STAB1: variants seen among roughly 807,000 people sequenced by gnomAD.
STAB1 encodes stabilin-1.
In STAB1, 250 loss-of-function variants were observed where a neutral mutation model predicts 332.4. The ratio of observed to expected loss-of-function variants is 0.75; its 90% CI spans 0.68 to 0.84. STAB1 has a LOEUF of 0.84. Among genes scored for constraint, STAB1 ranks in the 40% least tolerant of loss-of-function variants. The pLI, the probability that STAB1 is intolerant of heterozygous loss-of-function variation, is 0.00. For synonymous variants in STAB1, 1,475 were observed against 1,390.4 expected, an observed-to-expected ratio of 1.06 and a Z score of -1.35; for missense variants, 3,249 against 3,489.7, an observed-to-expected ratio of 0.93 and a Z score of 1.74.
At chr3:52,508,146 G>T in intron 20 of STAB1, 120 bp downstream of exon 20, 1 of 1,361,848 alleles carries the variant, frequency 7.3e-7, no homozygotes, top group Non-Finnish European at 1.0e-6. Context: ...GCCTGACGGT[G>T]GAAAAGGGGT....
chr3:52,523,838 C>A, intron 66 of STAB1, 33 bp from the exon 67 acceptor site: 1 of 1,585,372 alleles, frequency 6.3e-7, no homozygotes. Flanking sequence ...GGACAGCTCC[C>A]GCCAGGTCAA....
rs771479095 is a variant in STAB1 at position 52,524,068 on chromosome 3, C to T, written c.7543-32C>T. 2.8e-5 allele frequency: 45 copies of T among 1,612,692 alleles called. No homozygotes were observed. The East Asian group carries it at 7.1e-4, about 26-fold the overall frequency. ...GCGGGTCCTTGGATCTCGCTTGAGG[C>T]GCCTCGCCACTCACCCCTCTGCTGC... On this transcript the variant is annotated intron_variant, in intron 67 of 68. Coordinates refer to ENST00000321725, the MANE Select transcript of STAB1 (RefSeq NM_015136.3).
At position 52,505,059 on chromosome 3, in the gene STAB1, C is replaced by T. The variant is rs751959695; in HGVS notation, c.1434C>T (p.Ala478=). Reference sequence around the variant, plus strand: ...AGCAGACGTTCAACATCTACAAGGCCAACAACATAGCAGCTAATGGCGTCT... The same window carrying T: ...AGCAGACGTTCAACATCTACAAGGCTAACAACATAGCAGCTAATGGCGTCT... ...QPQQTFNIYK[A]NNIAANGVFH... The change falls in exon 13 of 69, where the codon GCC becomes GCT. Residue 478 remains alanine (A), a synonymous_variant. Coordinates refer to ENST00000321725, the MANE Select transcript of STAB1 (RefSeq NM_015136.3). 1.2e-6 allele frequency: 2 copies of T among 1,613,802 alleles called. No individual in the cohort carries two copies. The highest frequency in any genetic ancestry group is 3.3e-5 in the Admixed American group (2 of 60,018).
At chr3:52,520,587 C>G in intron 53 of STAB1, 38 bp downstream of exon 53, 1 of 1,612,190 alleles carries the variant, frequency 6.2e-7, no homozygotes, top group Non-Finnish European at 8.5e-7. Flanking sequence ...GAAGCCCACC[C>G]CGCCTGTGGT....
At chr3:52,510,555 T>C (rs367576024) in intron 25 of STAB1, 48 bp downstream of exon 25, 189 of 1,580,724 alleles carry the variant, frequency 1.2e-4, no homozygotes, top group Non-Finnish European at 1.5e-4. Context: ...TGGGGGACTC[T>C]CTCCCTGCCC....
chr3:52,517,502 G>A (rs1290364245), intron 43 of STAB1, 48 bp from the exon 44 acceptor site: 1 of 1,606,048 alleles, frequency 6.2e-7, no homozygotes, highest in South Asian at 1.1e-5. Context: ...CCAGGGTGCT[G>A]GCCAGCTGTT....
intron 3 of STAB1, 57 bp from the exon 4 acceptor site, chr3:52,501,949 G>A (rs1007204707): frequency 4.4e-6 from 7 of 1,598,896 alleles, no homozygotes; most frequent in East Asian, 2.2e-5. Flanking sequence ...AGAGCTGCTG[G>A]GGTCAGGGTA....
intron 25 of STAB1, among the ~76,000 whole-genome samples, chr3:52,510,781 G>T (rs1056167214): frequency 1.3e-5 from 2 of 152,216 alleles, no homozygotes; most frequent in South Asian, 2.1e-4. Context: ...AAAAGCCCCT[G>T]CCCGTGGGAG....
In STAB1 at chr3:52,514,902, G is replaced by C. The variant is rs1006795593; in HGVS notation, c.3807+73G>C. On this transcript the variant is annotated intron_variant, in intron 35 of 68. Coordinates refer to ENST00000321725, the MANE Select transcript of STAB1 (RefSeq NM_015136.3). ...GGAGGGCCTAGCTGACCTGACTAGT[G>C]GGGAGGGGCGCATGGTCAGTCTGTC... 7 of 1,612,530 alleles carry C rather than the reference G, an allele frequency of 4.3e-6. No individual in the cohort carries two copies. The Admixed American group carries it at 5.0e-5, about 12-fold the overall frequency.
chr3:52,496,400 C>T (rs1325896781), intron 1 of STAB1, among the ~76,000 whole-genome samples: 1 of 152,218 alleles, frequency 6.6e-6, no homozygotes, highest in African/African-American at 2.4e-5. Flanking sequence ...GATGGCCAGA[C>T]TAAAGTCCAG....
rs1306180314 is a variant in STAB1, at chr3:52,520,904, G to A, written c.5807G>A (p.Trp1936Ter). 3.7e-6 allele frequency: 6 copies of A among 1,608,562 alleles called. No individual in the cohort carries two copies. Among genetic ancestry groups the A allele is most frequent in the Non-Finnish European group, 5.1e-6 (6 of 1,177,720 alleles). Reference sequence around the variant, plus strand: ...AGCGTCTGGGTCCACCCCAGCCTTTGGGGTAGGCCCCAAGGCCTGGGCAGG... The same window carrying A: ...AGCGTCTGGGTCCACCCCAGCCTTTAGGGTAGGCCCCAAGGCCTGGGCAGG... The part of the protein sequence containing the change: ...LRSVWVHPSL[W>*]GRPQGLGRGC... The change falls in exon 55 of 69, where the codon TGG (tryptophan) becomes TAG (stop). Residue 1936 changes from tryptophan (W) to a stop codon, truncating the protein, a stop_gained. Transcript: ENST00000321725. LOFTEE classifies it high-confidence loss of function.
chr3:52,501,148 C>T lies in STAB1; in HGVS notation c.79-18C>T, dbSNP rs1351683821. ...CGTGGGGTCCAGGCCCCTGACCACA[C>T]CCTGCCTGTGGCCCCAGGTGCTGTT... On this transcript the variant is annotated intron_variant, in intron 1 of 68. Coordinates refer to ENST00000321725, the MANE Select transcript of STAB1 (RefSeq NM_015136.3). 3 of 1,609,630 alleles carry T rather than the reference C, an allele frequency of 1.9e-6. No homozygotes were observed. The highest frequency in any genetic ancestry group is 2.7e-5 in the African/African-American group (2 of 74,890).
In STAB1 at chr3:52,523,476, T is replaced by TAA; in HGVS notation, c.7191_7192dup (p.Ser2398LysfsTer203). ...CTGCATGCCTCCAACGCCACCCTCC[T>TAA]AAGTGCCAACGCCAGCCAGGGGAAG... On this transcript the variant is annotated frameshift_variant, in exon 65 of 69. Transcript: ENST00000321725. LOFTEE classifies it high-confidence loss of function. The TAA allele has an allele frequency of 6.2e-7, 1 of 1,611,914 alleles. No homozygotes were observed. Among genetic ancestry groups the TAA allele is most frequent in the Non-Finnish European group, 8.5e-7 (1 of 1,179,218 alleles).
Position 52,523,312 on chromosome 3 carries a change from C to A in STAB1, c.7111C>A (p.Pro2371Thr), listed in dbSNP as rs1402631610. 1.2e-5 allele frequency: 19 copies of A among 1,611,680 alleles called. No individual in the cohort carries two copies. Among genetic ancestry groups the A allele is most frequent in the Non-Finnish European group, 1.6e-5 (19 of 1,180,024 alleles). The change falls in exon 64 of 69, where the codon CCT becomes ACT. Residue 2371 changes from proline (P) to threonine (T), a missense_variant. By Grantham distance (38) the Pro-to-Thr change is conservative. Coordinates refer to ENST00000321725, the MANE Select transcript of STAB1 (RefSeq NM_015136.3). ...DELTYKTLFV[P>T]VNEGFVDNMT... ...GCTCACGTATAAGACACTCTTCGTC[C>A]CTGTCAATGAAGGCTTTGTGGACAA...
intron 45 of STAB1, 75 bp from the exon 46 acceptor site, chr3:52,518,237 G>T (rs1195434673): frequency 1.9e-6 from 3 of 1,598,102 alleles, no homozygotes; most frequent in Non-Finnish European, 2.6e-6. Flanking sequence ...TAGACCTTGG[G>T]CCGCAGGTGC....
intron 63 of STAB1, 29 bp from the exon 64 acceptor site, chr3:52,523,193 C>G: frequency 6.2e-7 from 1 of 1,612,682 alleles, no homozygotes. Flanking sequence ...AGGGAGCCTG[C>G]TCATAGTTCT....
Position 52,521,855 on chromosome 3 carries a change from G to C in STAB1, c.6175G>C (p.Val2059Leu). The change falls in exon 58 of 69, where the codon GTG (valine) becomes CTG (leucine). Residue 2059 changes from valine (V) to leucine (L), a missense_variant. By Grantham distance (32) the Val-to-Leu change is conservative. Coordinates refer to ENST00000321725, the MANE Select transcript of STAB1 (RefSeq NM_015136.3). ...GCCCTGGGGGACAGAGCTGCAGCCT[G>C]TGTGTACCCCACCCTGTGCACCCGA... ...RCEVQLELQPVCTPPCAPEAV... is the reference protein window; with the variant it reads ...RCEVQLELQPLCTPPCAPEAV... The C allele has an allele frequency of 6.3e-7, 1 of 1,599,670 alleles. No homozygotes were observed.
chr3:52,517,840 G>C (rs1035210222), intron 44 of STAB1, 41 bp from the exon 45 acceptor site: 1 of 1,611,488 alleles, frequency 6.2e-7, no homozygotes, highest in Non-Finnish European at 8.5e-7. Context: ...TAGAGAAGTA[G>C]TGAAAGCCAC....
Position 52,522,900 on chromosome 3 carries a change from C to A in STAB1, c.6870C>A (p.Asn2290Lys). 1 of 1,613,384 alleles carries A rather than the reference C, an allele frequency of 6.2e-7. No homozygotes were observed. Among genetic ancestry groups the A allele is most frequent in the Middle Eastern group, 1.6e-4 (1 of 6,062 alleles). Residue 2290 changes from asparagine (N) to lysine (K), a missense_variant, in exon 62 of 69, where the codon AAC (asparagine) becomes AAA (lysine). By Grantham distance (94) the Asn-to-Lys change is moderately conservative. Coordinates refer to ENST00000321725, the MANE Select transcript of STAB1 (RefSeq NM_015136.3). ...VGIVSLGARK[N>K]LSERWDAYCF... The stretch of plus-strand genomic sequence containing the variant: ...TAGTCAGCCTGGGTGCCCGCAAGAA[C>A]CTCTCAGAACGCTGGGATGCCTACT...
Sources: allele counts gnomAD v4.1 joint callset (sites outside exome capture counted in the v4.1 genomes callset), GRCh38; gene constraint gnomAD v4.1.1; transcripts MANE v1.5; gene names NCBI Gene and HGNC (gene_info 2026-07-23, HGNC 2026-07-21).